The following RPS6KA6 variants were observed in gnomAD, a reference collection of about 807,000 sequenced individuals.
RPS6KA6 encodes the protein ribosomal protein S6 kinase A6.
RPS6KA6 carries 27 observed loss-of-function variants against 65.4 expected under a neutral mutation model. That is an observed-to-expected ratio of 0.41 (90% CI 0.30 to 0.57). The LOEUF is 0.57. Ranked by LOEUF, RPS6KA6 falls within the 20% of genes least tolerant of loss-of-function variation. RPS6KA6 has a pLI of 0.24. For synonymous variants in RPS6KA6, 190 were observed against 184.2 expected, an observed-to-expected ratio of 1.03 and a Z score of -0.26; for missense variants, 486 against 555.6, an observed-to-expected ratio of 0.87 and a Z score of 1.26.
chrX:84,162,771 T>C (rs939342378), intron 2 of RPS6KA6, among the ~76,000 whole-genome samples: 7 of 111,953 alleles, frequency 6.3e-5, no homozygotes, highest in Non-Finnish European at 1.3e-4. Flanking sequence ...CTTATACTCC[T>C]TTATCTTTTA....
rs757479826 is a variant in RPS6KA6, at chrX:84,152,458, A to G, written c.258+3617T>C. ...GGTTCTGCACCATTCCAAAAGCTTG[A>G]CAGTAGTAACAACCTAACTTGAAAT... On this transcript the variant is annotated intron_variant, in intron 3 of 21. Coordinates refer to ENST00000262752, the MANE Select transcript of RPS6KA6 (RefSeq NM_014496.5). 2.7e-5 allele frequency among the ~76,000 whole-genome samples: 3 copies of G among 111,098 alleles called. No homozygotes were observed. In the East Asian group the frequency reaches 8.5e-4, roughly 32 times the overall value.
chrX:84,152,205 TTC>T (rs1161172815), intron 3 of RPS6KA6, among the ~76,000 whole-genome samples: 1 of 110,974 alleles, frequency 9.0e-6, no homozygotes, highest in Non-Finnish European at 1.9e-5. Context: ...GATCTGTTTT[TTC>T]TTTTTTTTCA....
chrX:84,063,261 A>G lies in RPS6KA6; in HGVS notation c.*1016T>C, dbSNP rs190600042. 8.0e-4 allele frequency: 89 copies of G among 111,781 alleles called. No homozygotes were observed. The highest frequency in any genetic ancestry group is 2.6e-3 in the African/African-American group (80 of 30,889). 9.2% of individuals were successfully genotyped at this position (111,781 alleles called of 1,213,427 possible). A position where few individuals can be genotyped will look rare whatever the true frequency, so the allele number is the denominator to read the frequency against. The stretch of plus-strand genomic sequence containing the variant: ...ACTATATCATGTGTGCTATATGCAC[A>G]AGTCCACTACAGCAAGATGTCAACT... On this transcript the variant is annotated 3_prime_UTR_variant, in exon 22 of 22. Transcript: ENST00000262752.
At chrX:84,073,430 G>A (rs1413245460) in intron 20 of RPS6KA6, among the ~76,000 whole-genome samples, 4 of 111,653 alleles carry the variant, frequency 3.6e-5, no homozygotes, top group Non-Finnish European at 5.7e-5. Flanking sequence ...ACTACTAGAA[G>A]AAAACATGGG....
chrX:84,089,285 C>T (rs1161227829), intron 20 of RPS6KA6, among the ~76,000 whole-genome samples: 1 of 111,886 alleles, frequency 8.9e-6, no homozygotes, highest in African/African-American at 3.2e-5. Context: ...TGGTGGTCAC[C>T]CCTCCCCCTG....
At chrX:84,139,932 G>T (rs1225986602) in intron 6 of RPS6KA6, among the ~76,000 whole-genome samples, 3 of 111,818 alleles carry the variant, frequency 2.7e-5, no homozygotes, top group Non-Finnish European at 5.6e-5. Flanking sequence ...GTCAGGTGGA[G>T]CCTGAAAGAC....
At chrX:84,151,792 A>G (rs1044788861) in intron 3 of RPS6KA6, among the ~76,000 whole-genome samples, 3 of 112,176 alleles carry the variant, frequency 2.7e-5, no homozygotes, top group Non-Finnish European at 5.6e-5. Flanking sequence ...TAAACTGCAT[A>G]TGTAATAAAA....
chrX:84,151,123 TATATATAGATATATAGG>T lies in RPS6KA6; in HGVS notation c.259-3017_259-3001del, dbSNP rs770808672. The stretch of plus-strand genomic sequence containing the variant: ...TAGATATATATAGATATATATAGGA[TATATATAGATATATAGG>T]ATATATAGATATATATAGGATATAT... On this transcript the variant is annotated intron_variant, in intron 3 of 21. Coordinates refer to ENST00000262752, the MANE Select transcript of RPS6KA6 (RefSeq NM_014496.5). Among the ~76,000 whole-genome samples the T allele has an allele frequency of 5.0e-3, 493 of 98,751 alleles. 7 individuals carry two copies. The highest frequency in any genetic ancestry group is 0.017 in the African/African-American group (472 of 27,425). 85.8% of individuals were successfully genotyped at this position (98,751 alleles called of 115,157 possible).
At chrX:84,181,830 C>T (rs1019504474) in intron 1 of RPS6KA6, among the ~76,000 whole-genome samples, 4 of 110,947 alleles carry the variant, frequency 3.6e-5, no homozygotes, top group African/African-American at 1.3e-4. Context: ...GTCATAGACC[C>T]TTACAGCCTG....
chrX:84,092,735 G>A (rs2034073963), intron 20 of RPS6KA6, among the ~76,000 whole-genome samples: 1 of 111,603 alleles, frequency 9.0e-6, no homozygotes, highest in South Asian at 3.8e-4. Flanking sequence ...CTTACACACT[G>A]CTGGTGAGAA....
chrX:84,148,509 T>C (rs2035241125), intron 3 of RPS6KA6, among the ~76,000 whole-genome samples: 1 of 111,410 alleles, frequency 9.0e-6, no homozygotes. Flanking sequence ...TAATAAATCA[T>C]AATGCATATA....
At chrX:84,149,523 A>G (rs901694488) in intron 3 of RPS6KA6, among the ~76,000 whole-genome samples, 11 of 112,182 alleles carry the variant, frequency 9.8e-5, no homozygotes, top group African/African-American at 3.6e-4. Context: ...CAGAATGGAT[A>G]CTGTAATAGC....
chrX:84,122,127 A>T (rs1242599853), intron 8 of RPS6KA6, among the ~76,000 whole-genome samples: 1 of 111,622 alleles, frequency 9.0e-6, no homozygotes, highest in Non-Finnish European at 1.9e-5. Flanking sequence ...CATATTGCTG[A>T]AAGAGGCACT....
rs749768824 is a variant in RPS6KA6 at position 84,089,803 on chromosome X, G to C, written c.1971+6391C>G. ...GTCTGCCTAGTCAGTCCCAATACAC[G>C]AAACTGTATATTTCAGTTGAAGGTG... On this transcript the variant is annotated intron_variant, in intron 20 of 21. Coordinates refer to ENST00000262752, the MANE Select transcript of RPS6KA6 (RefSeq NM_014496.5). 1.4e-4 allele frequency among the ~76,000 whole-genome samples: 16 copies of C among 111,537 alleles called. No homozygotes were observed. The East Asian group carries it at 4.3e-3, about 30-fold the overall frequency.
intron 17 of RPS6KA6, among the ~76,000 whole-genome samples, chrX:84,104,267 T>C (rs2034312291): frequency 9.0e-6 from 1 of 111,358 alleles, no homozygotes; most frequent in African/African-American, 3.2e-5. Context: ...GGTACATTTA[T>C]ATAATTCAAA....
chrX:84,162,575 C>T (rs184199642), intron 2 of RPS6KA6, among the ~76,000 whole-genome samples: 193 of 111,899 alleles, frequency 1.7e-3, no homozygotes, highest in African/African-American at 6.0e-3. Flanking sequence ...AAAAACTGAA[C>T]TTCCTGACTT....
intron 16 of RPS6KA6, among the ~76,000 whole-genome samples, chrX:84,105,040 T>C (rs754068508): frequency 1.8e-5 from 2 of 111,166 alleles, no homozygotes; most frequent in South Asian, 3.7e-4. Context: ...AAATACATTA[T>C]TTATTTTTTA....
chrX:84,147,514 T>C (rs370716070), intron 4 of RPS6KA6, among the ~76,000 whole-genome samples: 1 of 111,343 alleles, frequency 9.0e-6, no homozygotes. Context: ...ACCAGGTTAC[T>C]CAGGCTGGTC....
rs1352150966 is a variant in RPS6KA6, at chrX:84,064,501, A to T, written c.2113-99T>A. The T allele has an allele frequency of 1.7e-5, 13 of 784,284 alleles. No homozygotes were observed. The Admixed American group carries it at 3.0e-4, about 18-fold the overall frequency. The allele number at this position is 784,284 out of a possible 1,213,427, so 64.6% of individuals were successfully genotyped here. A position where few individuals can be genotyped will look rare whatever the true frequency, so the allele number is the denominator to read the frequency against. ...ATCATGAGACATATATCTAGAACAA[A>T]ATGTTTTCCTAGGAAAATAATTGAA... On this transcript the variant is annotated intron_variant, in intron 21 of 21. Transcript: ENST00000262752.
Sources: gnomAD v4.1 joint callset for allele counts (sites outside exome capture counted in the v4.1 genomes callset) on GRCh38, gnomAD v4.1.1 for gene constraint, MANE v1.5 for transcripts, NCBI Gene and HGNC (gene_info 2026-07-23, HGNC 2026-07-21) for gene names.